PTPRO: variants seen among roughly 807,000 people sequenced by gnomAD.
PTPRO encodes the protein protein tyrosine phosphatase receptor type O.
In PTPRO, 62 loss-of-function variants were observed where a neutral mutation model predicts 145.2. The ratio of observed to expected loss-of-function variants is 0.43; its 90% CI spans 0.35 to 0.53. The LOEUF (loss-of-function observed/expected upper bound fraction) is 0.53, where lower values mean the gene tolerates loss of function less well. Ranked by LOEUF, PTPRO falls within the 20% of genes least tolerant of loss-of-function variation. PTPRO has a pLI of 0.01. For synonymous variants in PTPRO, 565 were observed against 514.7 expected (o/e 1.10, Z -1.32); for missense variants, 1,345 against 1,482.7 (o/e 0.91, Z 1.53).
chr12:15,501,654 C>A lies in PTPRO; in HGVS notation c.696C>A (p.Ile232=). The change falls in exon 5 of 27, where the codon ATC becomes ATA. Residue 232 remains isoleucine (I), a synonymous_variant. Transcript: ENST00000281171. ...PYPPQNISVR[I]VNLNKNNWEE... is the part of the protein sequence containing the mutation. ...CACCTCAAAATATTTCCGTTCGTATCGTAAACTTGAACAAAAACAACTGGG... is the reference window on the plus strand; with the variant it reads ...CACCTCAAAATATTTCCGTTCGTATAGTAAACTTGAACAAAAACAACTGGG... 7 of 1,613,860 alleles carry A rather than the reference C, an allele frequency of 4.3e-6. No homozygotes were observed. Among genetic ancestry groups the A allele is most frequent in the Non-Finnish European group, 5.9e-6 (7 of 1,179,850 alleles).
chr12:15,349,362 G>A (rs75581646), intron 1 of PTPRO, among the ~76,000 whole-genome samples: 1 of 152,168 alleles, frequency 6.6e-6, no homozygotes, highest in Non-Finnish European at 1.5e-5. Context: ...GGACTTGTTT[G>A]TCCCACAAAA....
intron 1 of PTPRO, among the ~76,000 whole-genome samples, chr12:15,412,988 TC>T (rs1939841487): frequency 6.6e-6 from 1 of 152,034 alleles, no homozygotes; most frequent in Non-Finnish European, 1.5e-5. Context: ...AGATGGGGTT[TC>T]CCCATGTTGG....
intron 1 of PTPRO, among the ~76,000 whole-genome samples, chr12:15,378,814 T>C (rs955547656): frequency 6.6e-6 from 1 of 152,170 alleles, no homozygotes; most frequent in African/African-American, 2.4e-5. Context: ...AATCTGTATC[T>C]TGAATATGTA....
intron 1 of PTPRO, among the ~76,000 whole-genome samples, chr12:15,427,196 T>A (rs911775120): frequency 6.6e-6 from 1 of 152,028 alleles, no homozygotes; most frequent in African/African-American, 2.4e-5. Flanking sequence ...GTTCTTTCTA[T>A]CTGGAAAAAC....
rs144631495 is a variant in PTPRO, at chr12:15,584,056, G to A, written c.3255+2255G>A. On this transcript the variant is annotated intron_variant, in intron 23 of 26. Coordinates refer to ENST00000281171, the MANE Select transcript of PTPRO (RefSeq NM_030667.3). ...GGCGTCTTCTCTGGGCTTGGACACCGTTAGCCCATTCCTTCTCTGGGGCAG... is the reference window on the plus strand; with the variant it reads ...GGCGTCTTCTCTGGGCTTGGACACCATTAGCCCATTCCTTCTCTGGGGCAG... 1.4e-4 allele frequency among the ~76,000 whole-genome samples: 21 copies of A among 152,230 alleles called. No homozygotes were observed. In the East Asian group the frequency reaches 3.7e-3, roughly 27 times the overall value.
chr12:15,417,876 C>A (rs373552298), intron 1 of PTPRO, among the ~76,000 whole-genome samples: 1 of 151,672 alleles, frequency 6.6e-6, no homozygotes, highest in Admixed American at 6.6e-5. Context: ...TCATCTGAGT[C>A]TTTACAGATG....
At chr12:15,390,857 A>G (rs536034874) in intron 1 of PTPRO, among the ~76,000 whole-genome samples, 27 of 152,338 alleles carry the variant, frequency 1.8e-4, no homozygotes, top group Non-Finnish European at 3.2e-4. Flanking sequence ...GATTTAAACA[A>G]CAGCAATTTA....
At chr12:15,528,360 CAAA>C (rs577995184) in intron 12 of PTPRO, among the ~76,000 whole-genome samples, 11 of 124,602 alleles carry the variant, frequency 8.8e-5, no homozygotes, top group African/African-American at 2.6e-4. Flanking sequence ...AATAAAAATA[CAAA>C]AAAAAAAAAA....
intron 1 of PTPRO, among the ~76,000 whole-genome samples, chr12:15,324,369 G>GAACC (rs1866385989): frequency 6.6e-6 from 1 of 152,164 alleles, no homozygotes; most frequent in Non-Finnish European, 1.5e-5. Flanking sequence ...ACTTGGTTGG[G>GAACC]AGTGGGGGTA....
intron 1 of PTPRO, among the ~76,000 whole-genome samples, chr12:15,480,209 T>G (rs1053141035): frequency 2.6e-5 from 4 of 152,234 alleles, no homozygotes; most frequent in African/African-American, 9.6e-5. Context: ...TTTTAGTTTA[T>G]TAAGTATAGT....
At chr12:15,495,249 G>A (rs1263002146) in intron 2 of PTPRO, among the ~76,000 whole-genome samples, 1 of 151,388 alleles carries the variant, frequency 6.6e-6, no homozygotes, top group Non-Finnish European at 1.5e-5. Flanking sequence ...TGTAGATGCT[G>A]TTTTTCAGAA....
intron 1 of PTPRO, among the ~76,000 whole-genome samples, chr12:15,478,134 G>A (rs369314556): frequency 1.3e-5 from 2 of 152,168 alleles, no homozygotes; most frequent in African/African-American, 4.8e-5. Flanking sequence ...GGAGGGTATG[G>A]GTACAAGAGC....
chr12:15,442,932 A>G (rs1385241985), intron 1 of PTPRO, among the ~76,000 whole-genome samples: 1 of 152,146 alleles, frequency 6.6e-6, no homozygotes, highest in Non-Finnish European at 1.5e-5. Context: ...TACTCCTATC[A>G]AGCTACCAAC....
At position 15,476,164 on chromosome 12, in the gene PTPRO, G is replaced by A. The variant is rs563568473; in HGVS notation, c.76-7810G>A. On this transcript the variant is annotated intron_variant, in intron 1 of 26. Coordinates refer to ENST00000281171, the MANE Select transcript of PTPRO (RefSeq NM_030667.3). ...AATTTGTTGTTGCTGTGGTGGTGGT[G>A]GTGGTGCCAGAATTTAAGAAGTATT... Among the ~76,000 whole-genome samples, 4 of 152,168 alleles carry A rather than the reference G, an allele frequency of 2.6e-5. No homozygotes were observed. In the East Asian group the frequency reaches 7.8e-4, roughly 29 times the overall value.
intron 1 of PTPRO, among the ~76,000 whole-genome samples, chr12:15,411,369 C>T (rs554081293): frequency 3.3e-5 from 5 of 152,240 alleles, no homozygotes; most frequent in East Asian, 3.9e-4. Context: ...GTTCTTTTTC[C>T]GCTGACCAAA....
intron 1 of PTPRO, among the ~76,000 whole-genome samples, chr12:15,368,043 A>G (rs1463753517): frequency 1.3e-5 from 2 of 152,230 alleles, no homozygotes. Context: ...ATTTCTCAAT[A>G]AAACCGTTTA....
intron 13 of PTPRO, among the ~76,000 whole-genome samples, chr12:15,548,630 C>T (rs1274138935): frequency 1.3e-5 from 2 of 151,870 alleles, no homozygotes; most frequent in Non-Finnish European, 2.9e-5. Context: ...AGCAAAAAAT[C>T]AGAGACCATT....
chr12:15,442,062 G>A (rs1315910276), intron 1 of PTPRO, among the ~76,000 whole-genome samples: 2 of 151,972 alleles, frequency 1.3e-5, no homozygotes, highest in African/African-American at 2.4e-5. Flanking sequence ...GAAAATTGCA[G>A]GCCAACATTC....
intron 1 of PTPRO, among the ~76,000 whole-genome samples, chr12:15,375,670 C>T (rs1938662360): frequency 6.7e-6 from 1 of 149,094 alleles, no homozygotes; most frequent in Non-Finnish European, 1.5e-5. Flanking sequence ...GTAGGAGAAT[C>T]ACTTGAACCT....
Sources: allele counts gnomAD v4.1 joint callset (sites outside exome capture counted in the v4.1 genomes callset), GRCh38; gene constraint gnomAD v4.1.1; transcripts MANE v1.5; gene names NCBI Gene and HGNC (gene_info 2026-07-23, HGNC 2026-07-21).